Variants in PPP1R12B observed in about 807,000 individuals in gnomAD.
PPP1R12B encodes the protein protein phosphatase 1 regulatory subunit 12B.
In PPP1R12B, 76 loss-of-function variants were observed where a neutral mutation model predicts 126.1. The ratio of observed to expected loss-of-function variants is 0.60; its 90% CI spans 0.50 to 0.73. The LOEUF (loss-of-function observed/expected upper bound fraction) is 0.73. PPP1R12B is among the 30% of genes least tolerant of loss of function. The probability of loss-of-function intolerance (pLI) is 0.00; values close to 1 mark genes in which losing one functional copy is unlikely to be tolerated. For synonymous variants in PPP1R12B, 356 were observed against 434.7 expected (o/e 0.82, Z 2.25); for missense variants, 1,052 against 1,205.1 (o/e 0.87, Z 1.88).
At chr1:202,423,820 A>G (rs1029083551) in intron 3 of PPP1R12B, among the ~76,000 whole-genome samples, 1 of 152,006 alleles carries the variant, frequency 6.6e-6, no homozygotes, top group African/African-American at 2.4e-5. Context: ...AGTAGCTGGG[A>G]CTACAGGTGT....
chr1:202,559,158 C>G (rs1164989865), intron 19 of PPP1R12B, among the ~76,000 whole-genome samples: 1 of 152,094 alleles, frequency 6.6e-6, no homozygotes, highest in East Asian at 1.9e-4. Context: ...TTTTTTAAAG[C>G]ACCAGCGTAC....
intron 18 of PPP1R12B, among the ~76,000 whole-genome samples, chr1:202,540,982 T>G (rs1685064526): frequency 1.3e-5 from 2 of 152,212 alleles, no homozygotes; most frequent in South Asian, 4.1e-4. Context: ...GATTTACATA[T>G]GGGCATTTGC....
At chr1:202,571,395 G>A (rs1326020457) in intron 23 of PPP1R12B, among the ~76,000 whole-genome samples, 1 of 152,052 alleles carries the variant, frequency 6.6e-6, no homozygotes, top group East Asian at 1.9e-4. Context: ...GCCAGATCAT[G>A]AATGTTTAGT....
At chr1:202,503,447 T>C (rs1451735729) in intron 18 of PPP1R12B, among the ~76,000 whole-genome samples, 8 of 152,244 alleles carry the variant, frequency 5.3e-5, no homozygotes, top group Non-Finnish European at 7.3e-5. Context: ...TACATGGAAA[T>C]GTCAAGAGGA....
chr1:202,438,910 C>T, intron 10 of PPP1R12B: 1 of 1,511,092 alleles, frequency 6.6e-7, no homozygotes, highest in Non-Finnish European at 9.1e-7. Flanking sequence ...CGCACGCGGC[C>T]CTGTGCCTGG....
At chr1:202,443,603 A>G (rs568699155) in intron 12 of PPP1R12B, among the ~76,000 whole-genome samples, 1 of 152,362 alleles carries the variant, frequency 6.6e-6, no homozygotes, top group East Asian at 1.9e-4. Context: ...TGATGATCTC[A>G]CTGATGCTTT....
chr1:202,365,678 G>A (rs1659094467), intron 1 of PPP1R12B, among the ~76,000 whole-genome samples: 1 of 152,048 alleles, frequency 6.6e-6, no homozygotes, highest in Non-Finnish European at 1.5e-5. Context: ...AGGTTGTGCT[G>A]GTTTTCTGAA....
rs181633045 is a variant in PPP1R12B, at chr1:202,435,300, A to G, written c.1254+532A>G. Among the ~76,000 whole-genome samples, 5 of 151,760 alleles carry G rather than the reference A, an allele frequency of 3.3e-5. No individual in the cohort carries two copies. The East Asian group carries it at 7.7e-4, about 23-fold the overall frequency. ...TTATTACCAAACAAATTTGGCTACCATGTGTTAAGATAACATAAGATAGAG... is the reference window on the plus strand; with the variant it reads ...TTATTACCAAACAAATTTGGCTACCGTGTGTTAAGATAACATAAGATAGAG... On this transcript the variant is annotated intron_variant, in intron 9 of 23. Transcript: ENST00000608999.
At chr1:202,440,563 G>T in intron 10 of PPP1R12B, 143 bp from the exon 11 acceptor site, 1 of 587,486 alleles carries the variant, frequency 1.7e-6, no homozygotes, top group Non-Finnish European at 3.0e-6. Flanking sequence ...CTAACCTTTT[G>T]TAAATACCAC....
chr1:202,394,233 G>A (rs1479116845), intron 1 of PPP1R12B, among the ~76,000 whole-genome samples: 6 of 151,672 alleles, frequency 4.0e-5, no homozygotes, highest in Admixed American at 1.3e-4. Context: ...TGCTGAGATC[G>A]CGCCAGCCAA....
At chr1:202,519,444 G>C (rs1468930901) in intron 18 of PPP1R12B, among the ~76,000 whole-genome samples, 1 of 151,008 alleles carries the variant, frequency 6.6e-6, no homozygotes, top group Non-Finnish European at 1.5e-5. Context: ...TTTTTTTTCT[G>C]TATTTTTAGT....
At chr1:202,547,646 G>A (rs1451962728) in intron 18 of PPP1R12B, among the ~76,000 whole-genome samples, 2 of 152,120 alleles carry the variant, frequency 1.3e-5, no homozygotes, top group Non-Finnish European at 2.9e-5. Flanking sequence ...GTATATTATA[G>A]CATTTTAAAA....
rs1380631577 is a variant in PPP1R12B at position 202,586,955 on chromosome 1, AT to A, written c.*6397del. On this transcript the variant is annotated 3_prime_UTR_variant, in exon 24 of 24. Transcript: ENST00000608999. ...TAAAATGAGGTCTGGCATATACTTGATTACAAATGAAAACTCAGAAACCAAT... is the reference window on the plus strand; with the variant it reads ...TAAAATGAGGTCTGGCATATACTTGATACAAATGAAAACTCAGAAACCAAT... The A allele has an allele frequency of 6.6e-6, 1 of 152,236 alleles. No individual in the cohort carries two copies. Among genetic ancestry groups the A allele is most frequent in the African/African-American group, 2.4e-5 (1 of 41,456 alleles). The allele number at this position is 152,236 out of a possible 1,614,324, so 9.4% of individuals were successfully genotyped here.
intron 5 of PPP1R12B, among the ~76,000 whole-genome samples, chr1:202,428,105 C>A (rs185433475): frequency 2.0e-5 from 3 of 151,788 alleles, no homozygotes; most frequent in Admixed American, 1.3e-4. Flanking sequence ...TTTGGTGTTT[C>A]TCGTTATGTG....
rs77514466 is a variant in PPP1R12B at position 202,469,213 on chromosome 1, C to T, written c.1851-19320C>T. 4.2e-3 allele frequency among the ~76,000 whole-genome samples: 640 copies of T among 152,180 alleles called. 8 individuals are homozygous for T. Among genetic ancestry groups the T allele is most frequent in the African/African-American group, 0.015 (604 of 41,512 alleles). On this transcript the variant is annotated intron_variant, in intron 13 of 23. Coordinates refer to ENST00000608999, the MANE Select transcript of PPP1R12B (RefSeq NM_002481.4). Reference sequence around the variant, plus strand: ...TGTAGTCCCTACCTTCCTAGAACTTCGAGAATGGTGGTTAGTTGTGGGTAG... The same window carrying T: ...TGTAGTCCCTACCTTCCTAGAACTTTGAGAATGGTGGTTAGTTGTGGGTAG...
intron 18 of PPP1R12B, among the ~76,000 whole-genome samples, chr1:202,533,432 G>T (rs370247192): frequency 1.3e-5 from 2 of 152,036 alleles, no homozygotes; most frequent in Admixed American, 6.6e-5. Context: ...CTGGGACTAC[G>T]GTGGGCACCA....
intron 18 of PPP1R12B, among the ~76,000 whole-genome samples, chr1:202,550,612 A>G (rs1476301560): frequency 2.6e-5 from 4 of 152,196 alleles, no homozygotes; most frequent in Non-Finnish European, 5.9e-5. Flanking sequence ...TCAGATGCCC[A>G]TACACATCTG....
chr1:202,483,228 T>C (rs1277780105), intron 13 of PPP1R12B, among the ~76,000 whole-genome samples: 1 of 152,038 alleles, frequency 6.6e-6, no homozygotes, highest in Non-Finnish European at 1.5e-5. Context: ...ATTTTTTTTT[T>C]CTGGTTTCCT....
At chr1:202,539,329 C>T (rs549693834) in intron 18 of PPP1R12B, among the ~76,000 whole-genome samples, 3 of 152,204 alleles carry the variant, frequency 2.0e-5, no homozygotes, top group Admixed American at 1.3e-4. Context: ...AGTGGTAACC[C>T]GAATTCTGAG....
Sources: gnomAD v4.1 joint callset for allele counts (sites outside exome capture counted in the v4.1 genomes callset) on GRCh38, gnomAD v4.1.1 for gene constraint, MANE v1.5 for transcripts, NCBI Gene and HGNC (gene_info 2026-07-23, HGNC 2026-07-21) for gene names.